Variants in ARHGAP9 observed in about 807,000 individuals in gnomAD.
The protein encoded by ARHGAP9 is rho GTPase-activating protein 9.
ARHGAP9 carries 76 observed loss-of-function variants against 87.3 expected under a neutral mutation model. The observed-to-expected ratio is 0.87, with a 90% CI of 0.72 to 1.05. The LOEUF (loss-of-function observed/expected upper bound fraction) is 1.05. Ranked by LOEUF, ARHGAP9 falls within the 50% of genes least tolerant of loss-of-function variation. ARHGAP9 has a pLI of 0.00. For synonymous variants in ARHGAP9, 382 were observed against 394.9 expected, an observed-to-expected ratio of 0.97 and a Z score of 0.39; for missense variants, 941 against 960.5, an observed-to-expected ratio of 0.98 and a Z score of 0.27.
Position 57,478,735 on chromosome 12 carries a change from G to A in ARHGAP9, c.339C>T (p.Ser113=), listed in dbSNP as rs376368022. Residue 113 remains serine (S), a synonymous_variant, in exon 3 of 18, where the codon TCC becomes TCT. Coordinates refer to ENST00000393791, the MANE Select transcript of ARHGAP9 (RefSeq NM_032496.4). ...WTPGPKLFHG[S]LEELSQALPS... ...GGAGGGCCTGAGACAACTCCTCCAG[G>A]GAACCATGAAACAACTTCGGCCCTG... The A allele has an allele frequency of 8.0e-5, 129 of 1,610,168 alleles. No individual in the cohort carries two copies. Among genetic ancestry groups the A allele is most frequent in the Non-Finnish European group, 1.0e-4 (122 of 1,177,296 alleles).
chr12:57,487,366 C>CT (rs1333827324), intron 1 of ARHGAP9: 2 of 152,158 alleles, frequency 1.3e-5, no homozygotes, highest in Admixed American at 1.3e-4. Context: ...ACTCCGAACT[C>CT]TAAAACTCTG....
chr12:57,487,955 A>G (rs1875560344), intron 1 of ARHGAP9: 1 of 719,938 alleles, frequency 1.4e-6, no homozygotes, highest in Non-Finnish European at 2.5e-6. Context: ...GATGGGAGAA[A>G]TAGTCTACTT....
upstream of ARHGAP9, chr12:57,484,101 C>A: frequency 4.7e-6 from 1 of 214,362 alleles, no homozygotes; most frequent in Non-Finnish European, 9.7e-6. Context: ...ACCTGTAATC[C>A]CAGCGCTTTG....
intron 1 of ARHGAP9, among the ~76,000 whole-genome samples, chr12:57,485,167 G>C (rs1169816792): frequency 6.6e-6 from 1 of 151,208 alleles, no homozygotes; most frequent in Non-Finnish European, 1.5e-5. Context: ...GGTTGGTTTC[G>C]AACTCCTGAC....
chr12:57,479,021 C>T (rs1874651921), intron 2 of ARHGAP9, 70 bp downstream of exon 2: 1 of 1,543,372 alleles, frequency 6.5e-7, no homozygotes, highest in Admixed American at 1.9e-5. Context: ...CCAAAATTCC[C>T]AGAAGCCAGG....
At position 57,478,547 on chromosome 12, in the gene ARHGAP9, G is replaced by A; in HGVS notation, c.527C>T (p.Ala176Val). The A allele has an allele frequency of 6.2e-7, 1 of 1,614,016 alleles. No homozygotes were observed. The highest frequency in any genetic ancestry group is 8.5e-7 in the Non-Finnish European group (1 of 1,179,958). The change falls in exon 3 of 18, where the codon GCC becomes GTC. Residue 176 changes from alanine to valine, a missense_variant. Physicochemically the swap from Ala to Val is moderately conservative, Grantham distance 64. Transcript: ENST00000393791. ...AGAAGAGCTGTGACTCACTGTGCTG[G>A]CACTGGCTTCTGACGGCAAGTCTTC... ...SQEDLPSEAS[A>V]STAGPQPLMS...
Position 57,475,340 on chromosome 12 carries a change from G to A in ARHGAP9, c.1503C>T (p.Ile501=). 1 of 1,603,140 alleles carries A rather than the reference G, an allele frequency of 6.2e-7. No homozygotes were observed. The highest frequency in any genetic ancestry group is 8.5e-7 in the Non-Finnish European group (1 of 1,174,612). The change falls in exon 12 of 18, where the codon ATC becomes ATT. Residue 501 remains isoleucine, a synonymous_variant. Coordinates refer to ENST00000393791, the MANE Select transcript of ARHGAP9 (RefSeq NM_032496.4). ...GGCTTTGTAAGGGCGGTCTCTTCGC[G>A]ATGAGCCGCTTTAGTTTGTTGCGCA... is the stretch of plus-strand genomic sequence containing the variant. The part of the protein sequence containing the change: ...NRVRNKLKRL[I]AKRPPLQSLQ...
chr12:57,480,429 G>A (rs1874895547), upstream of ARHGAP9, among the ~76,000 whole-genome samples: 1 of 151,990 alleles, frequency 6.6e-6, no homozygotes, highest in Admixed American at 6.6e-5. Context: ...TGATTCACCC[G>A]CCTCAGCCTC....
Position 57,473,590 on chromosome 12 carries a change from C to A in ARHGAP9, c.2024+13G>T, listed in dbSNP as rs1334592149. The A allele has an allele frequency of 6.2e-7, 1 of 1,606,762 alleles. No individual in the cohort carries two copies. The highest frequency in any genetic ancestry group is 2.2e-5 in the East Asian group (1 of 44,832). ...TTTCCCCAGCATGAACAAAGAGGTT[C>A]TGTCTTCCTGACCTGCATAAATGCT... is the stretch of plus-strand genomic sequence containing the variant. On this transcript the variant is annotated intron_variant, in intron 17 of 17. Coordinates refer to ENST00000393791, the MANE Select transcript of ARHGAP9 (RefSeq NM_032496.4).
upstream of ARHGAP9, among the ~76,000 whole-genome samples, chr12:57,483,592 G>A (rs1875183896): frequency 6.6e-6 from 1 of 152,056 alleles, no homozygotes; most frequent in Admixed American, 6.6e-5. Context: ...AGTCTTATGC[G>A]AATTCCTCAC....
rs560659103 is a variant in ARHGAP9 at position 57,478,055 on chromosome 12, G to A, written c.535-375C>T. On this transcript the variant is annotated intron_variant, in intron 3 of 17. Coordinates refer to ENST00000393791, the MANE Select transcript of ARHGAP9 (RefSeq NM_032496.4). ...GAGAAGGGTCTACAGAAGGGAAGAG[G>A]AGCCCCTTTCCACCCACGGTTAAGA... The A allele has an allele frequency of 2.4e-5, 21 of 865,144 alleles. No homozygotes were observed. The Admixed American group carries it at 2.7e-4, about 11-fold the overall frequency. 53.6% of individuals were successfully genotyped at this position (865,144 alleles called of 1,614,324 possible).
intron 10 of ARHGAP9, 109 bp from the exon 11 acceptor site, chr12:57,475,724 C>T (rs1205715525): frequency 6.6e-7 from 1 of 1,509,838 alleles, no homozygotes; most frequent in African/African-American, 1.7e-5. Context: ...GGCAAGGGCT[C>T]TCCACTGAGC....
At chr12:57,482,726 T>C (rs1051502921), upstream of ARHGAP9, among the ~76,000 whole-genome samples, 13 of 152,012 alleles carry the variant, frequency 8.6e-5, no homozygotes, top group Non-Finnish European at 1.2e-4. Flanking sequence ...ATAAAATAAT[T>C]TAATAAATAT....
intron 17 of ARHGAP9, 64 bp from the exon 18 acceptor site, chr12:57,472,752 T>A (rs909256378): frequency 1.9e-6 from 3 of 1,551,534 alleles, no homozygotes; most frequent in Non-Finnish European, 1.8e-6. Flanking sequence ...GCAATCTAAC[T>A]AACCCTTCAA....
chr12:57,483,864 A>T (rs1875203034), upstream of ARHGAP9: 3 of 453,008 alleles, frequency 6.6e-6, no homozygotes, highest in South Asian at 4.7e-5. Context: ...ACATGGTAAA[A>T]CCCCATCCCT....
intron 8 of ARHGAP9, 48 bp from the exon 9 acceptor site, chr12:57,476,214 G>A: frequency 1.3e-6 from 2 of 1,506,224 alleles, no homozygotes; most frequent in South Asian, 2.5e-5. Flanking sequence ...TTCCTTCACT[G>A]CTTCCCTCTC....
At chr12:57,488,477 A>G in intron 1 of ARHGAP9, 1 of 1,290,364 alleles carries the variant, frequency 7.7e-7, no homozygotes. Context: ...TTCCCTTCCC[A>G]ACCTTCTCCT....
chr12:57,482,388 C>T (rs1180539391), upstream of ARHGAP9, among the ~76,000 whole-genome samples: 1 of 152,102 alleles, frequency 6.6e-6, no homozygotes, highest in African/African-American at 2.4e-5. Flanking sequence ...CTACAGGTGC[C>T]CGCCACCATG....
upstream of ARHGAP9, among the ~76,000 whole-genome samples, chr12:57,482,464 T>G (rs916160930): frequency 2.0e-5 from 3 of 152,016 alleles, no homozygotes; most frequent in Non-Finnish European, 4.4e-5. Flanking sequence ...ATGGTCTCGG[T>G]CTCCTGACCT....
Sources: allele counts gnomAD v4.1 joint callset (sites outside exome capture counted in the v4.1 genomes callset), GRCh38; gene constraint gnomAD v4.1.1; transcripts MANE v1.5; gene names NCBI Gene and HGNC (gene_info 2026-07-23, HGNC 2026-07-21).